Variants in AVEN observed in about 807,000 individuals in gnomAD.
AVEN encodes the protein apoptosis and caspase activation inhibitor.
AVEN carries 41 observed loss-of-function variants against 38.1 expected under a neutral mutation model. The ratio of observed to expected loss-of-function variants is 1.08; its 90% CI spans 0.84 to 1.40. The LOEUF (loss-of-function observed/expected upper bound fraction) is 1.40, where lower values mean the gene tolerates loss of function less well. Ranked by LOEUF, AVEN falls within the 40% of genes most tolerant of loss-of-function variation. The pLI is 0.00. For synonymous variants in AVEN, 206 were observed against 171.8 expected (o/e 1.20, Z -1.56); for missense variants, 605 against 438.8 (o/e 1.38, Z -3.38).
chr15:33,970,579 T>C (rs1022730849), intron 2 of AVEN, among the ~76,000 whole-genome samples: 2 of 151,980 alleles, frequency 1.3e-5, no homozygotes, highest in African/African-American at 4.8e-5. Context: ...CTCCTTATTA[T>C]GGTATTACAG....
chr15:33,884,482 C>T (rs1269304734), intron 2 of AVEN, among the ~76,000 whole-genome samples: 5 of 152,144 alleles, frequency 3.3e-5, no homozygotes, highest in Non-Finnish European at 7.3e-5. Context: ...CCAATTCCAT[C>T]ACTGTGTTTA....
intron 2 of AVEN, among the ~76,000 whole-genome samples, chr15:33,982,955 C>T (rs1258413246): frequency 6.6e-6 from 1 of 151,912 alleles, no homozygotes; most frequent in African/African-American, 2.4e-5. Context: ...TCCTACCCAT[C>T]AACTCCTGTT....
chr15:34,048,913 G>A (rs564262), intron 5 of AVEN, among the ~76,000 whole-genome samples: 98,952 of 152,038 alleles, frequency 0.65, 33,432 homozygotes, highest in South Asian at 0.78. Context: ...GAGAACAACC[G>A]AGGTGACTAG....
downstream of AVEN, chr15:33,865,275 AAT>A (rs749791661): frequency 7.5e-7 from 1 of 1,329,962 alleles, no homozygotes; most frequent in African/African-American, 1.4e-5. Context: ...CTTCCCATGA[AAT>A]AAAGTCCCCT....
intron 1 of AVEN, among the ~76,000 whole-genome samples, chr15:34,018,670 G>A (rs1299931058): frequency 6.6e-6 from 1 of 152,168 alleles, no homozygotes; most frequent in Non-Finnish European, 1.5e-5. Context: ...GAATGGAAAG[G>A]GACTCCAGTG....
chr15:33,905,182 G>T (rs1204403528), intron 2 of AVEN, among the ~76,000 whole-genome samples: 1 of 145,066 alleles, frequency 6.9e-6, no homozygotes, highest in Non-Finnish European at 1.5e-5. Context: ...CTAATTAGGT[G>T]TTTAAACTAA....
chr15:34,047,517 C>G (rs1450242339), intron 5 of AVEN, among the ~76,000 whole-genome samples: 1 of 152,182 alleles, frequency 6.6e-6, no homozygotes, highest in African/African-American at 2.4e-5. Context: ...TGGCACCTCA[C>G]AAGATAAGAC....
intron 2 of AVEN, among the ~76,000 whole-genome samples, chr15:33,932,838 C>CAAATAAATAAATAAATAAAT (rs542804184): frequency 2.7e-5 from 4 of 147,100 alleles, no homozygotes; most frequent in Admixed American, 1.4e-4. Context: ...AATAAACAAA[C>CAAATAAATAAATAAATAAAT]AAATAAATAA....
intron 2 of AVEN, among the ~76,000 whole-genome samples, chr15:33,929,436 A>G (rs1292517411): frequency 6.6e-6 from 1 of 152,240 alleles, no homozygotes; most frequent in Non-Finnish European, 1.5e-5. Flanking sequence ...GACTAGGGCC[A>G]GCCTCTGGGC....
rs140935122 is a variant in AVEN, at chr15:33,889,045, C to T, written c.446-13050G>A. ...ATTCTTTTTTGCTATTTTCATATAA[C>T]TCAGGTGAGATGTACGTCTTACAGA... On this transcript the variant is annotated intron_variant, in intron 2 of 5. Transcript: ENST00000306730. Among the ~76,000 whole-genome samples the T allele has an allele frequency of 8.0e-3, 1,211 of 152,230 alleles. 14 individuals carry two copies. Among genetic ancestry groups the T allele is most frequent in the African/African-American group, 0.027 (1,114 of 41,534 alleles).
At chr15:33,982,272 G>C (rs1326211205) in intron 2 of AVEN, among the ~76,000 whole-genome samples, 1 of 151,974 alleles carries the variant, frequency 6.6e-6, no homozygotes, top group Non-Finnish European at 1.5e-5. Context: ...CTAATTCAGA[G>C]GTTGGCCCTA....
At chr15:34,068,116 CTGTA>C (rs1015135134) in intron 2 of AVEN, among the ~76,000 whole-genome samples, 11 of 142,902 alleles carry the variant, frequency 7.7e-5, no homozygotes, top group Non-Finnish European at 1.4e-4. Flanking sequence ...CCTGCTCTCT[CTGTA>C]TGTGTGTGTG....
chr15:33,957,355 G>A (rs1467962047), intron 2 of AVEN, among the ~76,000 whole-genome samples: 1 of 152,166 alleles, frequency 6.6e-6, no homozygotes, highest in Non-Finnish European at 1.5e-5. Context: ...TCTAGTCAAT[G>A]TCTAGGATCT....
In AVEN at chr15:34,020,010, G is replaced by T. The variant is rs573110709; in HGVS notation, c.268-16801C>A. Among the ~76,000 whole-genome samples the T allele has an allele frequency of 1.3e-5, 2 of 152,270 alleles. 1 individual carries two copies. Among genetic ancestry groups the T allele is most frequent in the South Asian group, 4.1e-4 (2 of 4,832 alleles). On this transcript the variant is annotated intron_variant, in intron 1 of 5. Transcript: ENST00000306730. ...TTGATTTTTTAAACACCTTTTCCAT[G>T]CCTCAAAATAGAGGTTTTAGGCTGG...
At chr15:33,913,770 C>G (rs1443972418) in intron 2 of AVEN, among the ~76,000 whole-genome samples, 1 of 152,104 alleles carries the variant, frequency 6.6e-6, no homozygotes, top group Non-Finnish European at 1.5e-5. Flanking sequence ...ATGTCCTCTC[C>G]CACCACTTCT....
chr15:33,919,801 C>T (rs560258281), intron 2 of AVEN, among the ~76,000 whole-genome samples: 3 of 152,258 alleles, frequency 2.0e-5, no homozygotes, highest in South Asian at 2.1e-4. Flanking sequence ...TAAATTAACA[C>T]GAAGTACAAA....
At chr15:34,074,232 A>C (rs967612969) in intron 1 of AVEN, among the ~76,000 whole-genome samples, 2 of 149,694 alleles carry the variant, frequency 1.3e-5, no homozygotes, top group African/African-American at 2.5e-5. Flanking sequence ...TCCTGACTTC[A>C]AGTGATCCAC....
intron 2 of AVEN, among the ~76,000 whole-genome samples, chr15:33,876,304 G>A (rs113597598): frequency 0.021 from 3,127 of 152,308 alleles, 79 homozygotes; most frequent in African/African-American, 0.064. Context: ...AGGCACACTG[G>A]CTCACACCTG....
chr15:33,978,731 A>G (rs606126), intron 2 of AVEN, among the ~76,000 whole-genome samples: 147,891 of 152,180 alleles, frequency 0.97, 71,948 homozygotes, highest in Non-Finnish European at 1. Context: ...GTCCCCAGGC[A>G]TTTGAGAAAA....
Sources: gnomAD v4.1 joint callset for allele counts (sites outside exome capture counted in the v4.1 genomes callset) on GRCh38, gnomAD v4.1.1 for gene constraint, MANE v1.5 for transcripts, NCBI Gene and HGNC (gene_info 2026-07-23, HGNC 2026-07-21) for gene names.